Variants in DYNC1H1 observed in about 807,000 individuals in gnomAD.
DYNC1H1 encodes the protein cytoplasmic dynein 1 heavy chain 1.
In DYNC1H1, 51 loss-of-function variants were observed where a neutral mutation model predicts 527.1. That is an observed-to-expected ratio of 0.10 (90% CI 0.08 to 0.12). The LOEUF (loss-of-function observed/expected upper bound fraction) is 0.12. DYNC1H1 is among the 10% of genes least tolerant of loss of function. DYNC1H1 has a pLI of 1.00. For synonymous variants in DYNC1H1, 2,189 were observed against 2,278.8 expected (o/e 0.96, Z 1.12); for missense variants, 2,771 against 5,971.8 (o/e 0.46, Z 17.66).
At position 102,020,010 on chromosome 14, in the gene DYNC1H1, C is replaced by G. The variant is rs2048366964; in HGVS notation, c.8461C>G (p.Leu2821Val). ...TCTGGAGACCCTGCCTGTTGAAGGC[C>G]TCATTCGGATTTGGGCACATGAAGC... The part of the protein sequence containing the change: ...RPLETLPVEG[L>V]IRIWAHEALR... The change falls in exon 42 of 78, where the codon CTC (leucine) becomes GTC (valine). Residue 2821 changes from leucine (L) to valine (V), a missense_variant. Physicochemically the swap from Leu to Val is conservative, Grantham distance 32. Coordinates refer to ENST00000360184, the MANE Select transcript of DYNC1H1 (RefSeq NM_001376.5). The surrounding 1 kb of genome is among the most constrained non-coding windows in gnomAD (Gnocchi z 4.3). The G allele has an allele frequency of 6.2e-7, 1 of 1,614,194 alleles. No individual in the cohort carries two copies.
At chr14:102,007,622 G>A (rs1037672703) in intron 28 of DYNC1H1, among the ~76,000 whole-genome samples, 1 of 152,170 alleles carries the variant, frequency 6.6e-6, no homozygotes, top group Non-Finnish European at 1.5e-5. Flanking sequence ...CGTGGGAGTA[G>A]GTAGTAGTAT....
In DYNC1H1 at chr14:101,997,133, C is replaced by T. The variant is rs2048071642; in HGVS notation, c.3663C>T (p.Phe1221=). 6.2e-7 allele frequency: 1 copy of T among 1,614,038 alleles called. No homozygotes were observed. Among genetic ancestry groups the T allele is most frequent in the Non-Finnish European group, 8.5e-7 (1 of 1,180,048 alleles). ...IDNIEGEWGA[F]NDIMRRKDSA... The stretch of plus-strand genomic sequence containing the variant: ...ACATCGAGGGAGAGTGGGGAGCCTT[C>T]AATGACATCATGCGGCGAAAGGACT... The change falls in exon 16 of 78, where the codon TTC becomes TTT. Residue 1221 remains phenylalanine (F), a synonymous_variant. Coordinates refer to ENST00000360184, the MANE Select transcript of DYNC1H1 (RefSeq NM_001376.5). This position sits in a 1 kb window ranked among gnomAD's most constrained non-coding sequence, Gnocchi z 4.8.
rs755385709 is a variant in DYNC1H1 at position 102,010,689 on chromosome 14, G to T, written c.6406-51G>T. On this transcript the variant is annotated intron_variant, in intron 31 of 77. Transcript: ENST00000360184. This position sits in a 1 kb window ranked among gnomAD's most constrained non-coding sequence, Gnocchi z 6.0. ...CACGCACCTCCTGGGGATGCAGCGGGCAGTACTTGAGCCATGCTGCGCTGC... is the reference window on the plus strand; with the variant it reads ...CACGCACCTCCTGGGGATGCAGCGGTCAGTACTTGAGCCATGCTGCGCTGC... 5 of 1,605,658 alleles carry T rather than the reference G, an allele frequency of 3.1e-6. No homozygotes were observed. The highest frequency in any genetic ancestry group is 4.5e-5 in the East Asian group (2 of 44,846).
Position 101,997,289 on chromosome 14 carries a change from G to A in DYNC1H1, c.3804+15G>A, listed in dbSNP as rs1481916299. ...AGCCTGTCACGGTGAGTCCCGCCAG[G>A]TGGGGACGCAGGAGACTCCTCACCC... On this transcript the variant is annotated intron_variant, in intron 16 of 77. Transcript: ENST00000360184. This position sits in a 1 kb window ranked among gnomAD's most constrained non-coding sequence, Gnocchi z 4.8. The A allele has an allele frequency of 6.2e-7, 1 of 1,614,096 alleles. No individual in the cohort carries two copies. The highest frequency in any genetic ancestry group is 8.5e-7 in the Non-Finnish European group (1 of 1,180,014).
At position 102,054,720 on chromosome 14, in the gene DYNC1H1, C is replaced by G. The variant is rs2048858371; in HGVS notation, c.*4157C>G. The G allele has an allele frequency of 6.6e-6, 1 of 152,254 alleles. No homozygotes were observed. Among genetic ancestry groups the G allele is most frequent in the Admixed American group, 6.5e-5 (1 of 15,276 alleles). 9.4% of individuals were successfully genotyped at this position (152,254 alleles called of 1,614,324 possible). A position where few individuals can be genotyped will look rare whatever the true frequency, so the allele number is the denominator to read the frequency against. ...AGCAGCTGGGACTACAGGCACCCACCACCATGCCCGGCTAATTTTTCTATT... is the reference window on the plus strand; with the variant it reads ...AGCAGCTGGGACTACAGGCACCCACGACCATGCCCGGCTAATTTTTCTATT... On this transcript the variant is annotated 3_prime_UTR_variant, in exon 78 of 78. Transcript: ENST00000360184.
At chr14:102,004,236 T>C (rs904625926) in intron 23 of DYNC1H1, among the ~76,000 whole-genome samples, 5 of 146,524 alleles carry the variant, frequency 3.4e-5, no homozygotes, top group Non-Finnish European at 7.4e-5. Context: ...AGAGCAAGAC[T>C]CCGTCTCAAA....
chr14:102,001,469 G>A lies in DYNC1H1; in HGVS notation c.4396-66G>A. 2 of 1,613,420 alleles carry A rather than the reference G, an allele frequency of 1.2e-6. No homozygotes were observed. The highest frequency in any genetic ancestry group is 1.1e-5 in the South Asian group (1 of 90,960). On this transcript the variant is annotated intron_variant, in intron 20 of 77. Coordinates refer to ENST00000360184, the MANE Select transcript of DYNC1H1 (RefSeq NM_001376.5). The surrounding 1 kb of genome is among the most constrained non-coding windows in gnomAD (Gnocchi z 5.0). Reference sequence around the variant, plus strand: ...TGGTCCTTTTGGTTCTTATAATGCTGGGTCCCTTGTGCAGGTAGTGAATGC... The same window carrying A: ...TGGTCCTTTTGGTTCTTATAATGCTAGGTCCCTTGTGCAGGTAGTGAATGC...
chr14:101,981,373 T>G (rs1383879442), intron 5 of DYNC1H1, among the ~76,000 whole-genome samples: 1 of 152,248 alleles, frequency 6.6e-6, no homozygotes, highest in Non-Finnish European at 1.5e-5. Context: ...TCCTCCTGCC[T>G]TGGCCTCCCA....
chr14:102,008,128 ATT>A, intron 28 of DYNC1H1, 48 bp from the exon 29 acceptor site: 1 of 1,610,376 alleles, frequency 6.2e-7, no homozygotes, highest in Non-Finnish European at 8.5e-7. Flanking sequence ...AGGGGAGACA[ATT>A]GAGGGCACAG....
chr14:101,986,571 C>G lies in DYNC1H1; in HGVS notation c.2346C>G (p.Ile782Met). The change falls in exon 8 of 78, where the codon ATC (isoleucine) becomes ATG (methionine). Residue 782 changes from isoleucine to methionine, a missense_variant. Around this residue, in one of 32 missense-constraint regions of DYNC1H1, gnomAD observed 264 missense variants for 619.4 expected, o/e 0.43. Coordinates refer to ENST00000360184, the MANE Select transcript of DYNC1H1 (RefSeq NM_001376.5). The surrounding 1 kb of genome is among the most constrained non-coding windows in gnomAD (Gnocchi z 8.7). ...TTTACCCGTTTGCCATCTCACTGAT[C>G]GAGAGCGTTCGTACCTATGAACGGA... ...NQLYPFAISLIESVRTYERTC... is the reference protein window; with the variant it reads ...NQLYPFAISLMESVRTYERTC... 1.2e-6 allele frequency: 2 copies of G among 1,614,108 alleles called. No homozygotes were observed. The highest frequency in any genetic ancestry group is 1.7e-6 in the Non-Finnish European group (2 of 1,180,020).
chr14:101,987,596 C>G lies in DYNC1H1; in HGVS notation c.2682C>G (p.Ser894=). The stretch of plus-strand genomic sequence containing the variant: ...ATGACTTAAATCTGCACTCCTATTC[C>G]AATTTGCCCATCTGGGTCAACAAGC... ...AVDDLNLHSY[S]NLPIWVNKLD... Residue 894 remains serine (S), a synonymous_variant, in exon 9 of 78, where the codon TCC becomes TCG. Transcript: ENST00000360184. 1 of 1,614,172 alleles carries G rather than the reference C, an allele frequency of 6.2e-7. No individual in the cohort carries two copies. The highest frequency in any genetic ancestry group is 8.5e-7 in the Non-Finnish European group (1 of 1,180,038).
At chr14:102,040,720 G>T (rs753156958) in intron 64 of DYNC1H1, 47 bp downstream of exon 64, 3 of 1,609,088 alleles carry the variant, frequency 1.9e-6, no homozygotes, top group Non-Finnish European at 2.6e-6. Flanking sequence ...GTAAAGTTGG[G>T]TTTTGCTGCT....
At chr14:102,003,002 T>A in intron 23 of DYNC1H1, 37 bp downstream of exon 23, 2 of 1,612,910 alleles carry the variant, frequency 1.2e-6, no homozygotes, top group Non-Finnish European at 1.7e-6. Context: ...GGAGTCAAGT[T>A]GAATTTCAGT....
In DYNC1H1 at chr14:101,983,077, T is replaced by A. The variant is rs550269731; in HGVS notation, c.1020T>A (p.Pro340=). Residue 340 remains proline, a synonymous_variant, in exon 6 of 78, where the codon CCT becomes CCA. Transcript: ENST00000360184. This position sits in a 1 kb window ranked among gnomAD's most constrained non-coding sequence, Gnocchi z 5.3. ...ACAATCCTCTGATGAAAGATTTCCC[T>A]CTGAATGATTTGCTGTCTGCCACGG... ...NDYNPLMKDF[P]LNDLLSATEL... is the part of the protein sequence containing the mutation. 2 of 1,614,210 alleles carry A rather than the reference T, an allele frequency of 1.2e-6. No individual in the cohort carries two copies. Among genetic ancestry groups the A allele is most frequent in the East Asian group, 2.2e-5 (1 of 44,886 alleles).
chr14:101,964,910 G>T lies in DYNC1H1; in HGVS notation c.219G>T (p.Gln73His). 6.2e-7 allele frequency: 1 copy of T among 1,600,472 alleles called. No individual in the cohort carries two copies. The highest frequency in any genetic ancestry group is 8.5e-7 in the Non-Finnish European group (1 of 1,174,874). ...EQMRKFLSDP[Q>H]VHTVLVERST... ...TGCGCAAGTTCCTTTCGGACCCGCA[G>T]GTCCACACGGTGCTGGTGGAGCGCT... The change falls in exon 1 of 78, where the codon CAG (glutamine) becomes CAT (histidine). Residue 73 changes from glutamine (Q) to histidine (H), a missense_variant. By Grantham distance (24) the Gln-to-His change is conservative. This residue lies in a region of DYNC1H1 where 101 missense variants were observed against 105.3 expected (regional missense o/e 0.96). Transcript: ENST00000360184. This position sits in a 1 kb window ranked among gnomAD's most constrained non-coding sequence, Gnocchi z 5.5.
At chr14:102,013,711 G>A (rs532287433) in intron 34 of DYNC1H1, among the ~76,000 whole-genome samples, 17 of 152,318 alleles carry the variant, frequency 1.1e-4, no homozygotes, top group Admixed American at 8.5e-4. Context: ...GATGTTGCCT[G>A]ATGTATGTCC....
In DYNC1H1 at chr14:102,042,820, G is replaced by T; in HGVS notation, c.12513+72G>T. On this transcript the variant is annotated intron_variant, in intron 69 of 77. Transcript: ENST00000360184. This position sits in a 1 kb window ranked among gnomAD's most constrained non-coding sequence, Gnocchi z 5.7. ...CCCAGTCCCATCACCAAATGCAGAA[G>T]TGGGTCCCTGGGCCCCCGGAAGTGC... is the stretch of plus-strand genomic sequence containing the variant. 6.4e-7 allele frequency: 1 copy of T among 1,554,868 alleles called. No individual in the cohort carries two copies. Among genetic ancestry groups the T allele is most frequent in the Non-Finnish European group, 8.8e-7 (1 of 1,137,858 alleles).
Position 102,011,234 on chromosome 14 carries a change from T to A in DYNC1H1, c.6618+282T>A, listed in dbSNP as rs1346434521. On this transcript the variant is annotated intron_variant, in intron 32 of 77. Transcript: ENST00000360184. The surrounding 1 kb of genome is among the most constrained non-coding windows in gnomAD (Gnocchi z 5.3). ...GAAAGTTGTTTATACTGATAAAAATTCTGCTTACCAGACTTTCCAGTGCCA... is the reference window on the plus strand; with the variant it reads ...GAAAGTTGTTTATACTGATAAAAATACTGCTTACCAGACTTTCCAGTGCCA... 8.6e-6 allele frequency: 4 copies of A among 462,896 alleles called. No individual in the cohort carries two copies. Among genetic ancestry groups the A allele is most frequent in the Non-Finnish European group, 1.6e-5 (4 of 251,342 alleles). The allele number at this position is 462,896 out of a possible 1,614,324, so 28.7% of individuals were successfully genotyped here. A position where few individuals can be genotyped will look rare whatever the true frequency, so the allele number is the denominator to read the frequency against.
At chr14:102,048,784 C>G (rs1462950782) in intron 74 of DYNC1H1, 115 bp downstream of exon 74, 2 of 1,049,084 alleles carry the variant, frequency 1.9e-6, no homozygotes, top group Non-Finnish European at 2.6e-6. Flanking sequence ...CAGGAGCTTC[C>G]GAGAGCAGCT....
Sources: allele counts gnomAD v4.1 joint callset (sites outside exome capture counted in the v4.1 genomes callset), GRCh38; gene constraint gnomAD v4.1.1; regional missense constraint gnomAD v4.1.1; non-coding constraint Gnocchi (gnomAD v3.1); transcripts MANE v1.5; gene names NCBI Gene and HGNC (gene_info 2026-07-23, HGNC 2026-07-21).